Variants in EBF2 observed in about 807,000 individuals in gnomAD.
EBF2 encodes the protein transcription factor COE2.
A neutral mutation model predicts 72.8 loss-of-function variants in EBF2; 21 were observed. The observed-to-expected ratio is 0.29, with a 90% CI of 0.20 to 0.42. The LOEUF (loss-of-function observed/expected upper bound fraction) is 0.42. Ranked by LOEUF, EBF2 falls within the 10% of genes least tolerant of loss-of-function variation. EBF2 has a pLI of 1.00. For synonymous variants in EBF2, 299 were observed against 274.2 expected (o/e 1.09, Z -0.89); for missense variants, 637 against 731.2 (o/e 0.87, Z 1.49).
At chr8:25,890,746 G>T (rs1163289960) in intron 7 of EBF2, among the ~76,000 whole-genome samples, 6 of 152,174 alleles carry the variant, frequency 3.9e-5, no homozygotes, top group Non-Finnish European at 1.5e-5. Context: ...TAAAGGAAAT[G>T]TTCATTGGAT....
At chr8:25,937,007 G>T (rs1050750612) in intron 6 of EBF2, among the ~76,000 whole-genome samples, 7 of 152,148 alleles carry the variant, frequency 4.6e-5, no homozygotes, top group African/African-American at 1.7e-4. Context: ...GAGGAAACGG[G>T]ATTACAATTG....
chr8:25,847,251 C>A (rs555768556), intron 15 of EBF2, among the ~76,000 whole-genome samples: 5 of 152,190 alleles, frequency 3.3e-5, no homozygotes, highest in African/African-American at 1.2e-4. Flanking sequence ...TAGAGAAGGG[C>A]CCCTCCCCAG....
intron 9 of EBF2, among the ~76,000 whole-genome samples, chr8:25,887,124 TC>T (rs1802703810): frequency 6.6e-6 from 1 of 151,932 alleles, no homozygotes; most frequent in Non-Finnish European, 1.5e-5. Flanking sequence ...TCTGTCTCTC[TC>T]TCTCTCTCTC....
rs990518791 is a variant in EBF2, at chr8:25,865,391, C to G, written c.1010-2594G>C. Among the ~76,000 whole-genome samples the G allele has an allele frequency of 2.6e-5, 4 of 152,156 alleles. No individual in the cohort carries two copies. In the East Asian group the frequency reaches 7.8e-4, roughly 30 times the overall value. ...GTTTTATTAGAGTCTAGAAACACTT[C>G]TGTGTTTTACACATCTGTGCAGGAA... On this transcript the variant is annotated intron_variant, in intron 10 of 15. Transcript: ENST00000520164.
chr8:25,938,392 G>GT (rs377084156), intron 6 of EBF2, among the ~76,000 whole-genome samples: 2,106 of 142,988 alleles, frequency 0.015, 42 homozygotes, highest in African/African-American at 0.048. Context: ...AAAAAGCCTA[G>GT]TTTTTTTTTT....
At chr8:25,899,320 T>C (rs769731328) in intron 7 of EBF2, among the ~76,000 whole-genome samples, 14 of 151,766 alleles carry the variant, frequency 9.2e-5, no homozygotes, top group South Asian at 2.1e-4. Flanking sequence ...CATCAGATAA[T>C]GGACTCACCT....
In EBF2 at chr8:26,010,988, T is replaced by TACAC. The variant is rs36211488; in HGVS notation, c.551+22093_551+22096dup. The stretch of plus-strand genomic sequence containing the variant: ...TTTTATATGCTTGCATATGTGTGCA[T>TACAC]ACACACACACACACACACACACACA... On this transcript the variant is annotated intron_variant, in intron 6 of 15. Transcript: ENST00000520164. Among the ~76,000 whole-genome samples the TACAC allele has an allele frequency of 1.5e-3, 224 of 150,866 alleles. 1 individual carries two copies. Among genetic ancestry groups the TACAC allele is most frequent in the Middle Eastern group, 3.4e-3 (1 of 292 alleles).
chr8:25,924,116 T>A (rs901009187), intron 6 of EBF2, among the ~76,000 whole-genome samples: 6 of 152,182 alleles, frequency 3.9e-5, no homozygotes, highest in Non-Finnish European at 8.8e-5. Context: ...TTACTGACAA[T>A]ATTTTCATCT....
rs59820523 is a variant in EBF2, at chr8:25,986,001, C to CAA, written c.551+47082_551+47083dup. On this transcript the variant is annotated intron_variant, in intron 6 of 15. Transcript: ENST00000520164. ...CGGGTGACAGAGTGAAACTCTGTCT[C>CAA]AAAAAAAAAAAAAAAAAAAAAAAAG... 1.8e-4 allele frequency among the ~76,000 whole-genome samples: 5 copies of CAA among 28,560 alleles called. 1 individual carries two copies. Among genetic ancestry groups the CAA allele is most frequent in the East Asian group, 2.9e-3 (2 of 694 alleles). The allele number at this position is 28,560 out of a possible 152,430, so 18.7% of individuals were successfully genotyped here. A position where few individuals can be genotyped will look rare whatever the true frequency, so the allele number is the denominator to read the frequency against.
intron 10 of EBF2, among the ~76,000 whole-genome samples, chr8:25,863,390 G>A (rs757240926): frequency 3.6e-4 from 54 of 151,746 alleles, no homozygotes; most frequent in Non-Finnish European, 6.8e-4. Flanking sequence ...CTATGTTCCC[G>A]TTAAGACAGG....
chr8:26,015,867 G>A (rs1015551796), intron 6 of EBF2, among the ~76,000 whole-genome samples: 2 of 152,176 alleles, frequency 1.3e-5, no homozygotes, highest in Non-Finnish European at 2.9e-5. Flanking sequence ...GCAGATAGCA[G>A]CTCCTTAGCC....
chr8:26,020,720 G>A (rs1362150416), intron 6 of EBF2, among the ~76,000 whole-genome samples: 1 of 151,430 alleles, frequency 6.6e-6, no homozygotes, highest in African/African-American at 2.4e-5. Flanking sequence ...TTGCTATGTA[G>A]GTTGAATCTA....
At chr8:25,993,839 C>T (rs776750823) in intron 6 of EBF2, among the ~76,000 whole-genome samples, 12 of 152,160 alleles carry the variant, frequency 7.9e-5, no homozygotes, top group Non-Finnish European at 1.5e-4. Context: ...CAGGAATAAT[C>T]GATGAAAATC....
chr8:26,035,938 C>T (rs574673095), intron 5 of EBF2, among the ~76,000 whole-genome samples: 14 of 151,198 alleles, frequency 9.3e-5, no homozygotes, highest in African/African-American at 2.9e-4. Context: ...CTTATGTCAA[C>T]GTAATACCTT....
At chr8:25,847,692 CG>C (rs1563372165) in intron 15 of EBF2, among the ~76,000 whole-genome samples, 4 of 151,924 alleles carry the variant, frequency 2.6e-5, no homozygotes, top group African/African-American at 7.3e-5. Context: ...TGACAAGGCC[CG>C]GAAAGAGCTG....
At position 26,040,494 on chromosome 8, in the gene EBF2, G is replaced by A. The variant is rs1434574906; in HGVS notation, c.408+122C>T. The A allele has an allele frequency of 8.0e-6, 7 of 877,480 alleles. No individual in the cohort carries two copies. The African/African-American group carries it at 1.2e-4, about 15-fold the overall frequency. The allele number at this position is 877,480 out of a possible 1,614,324, so 54.4% of individuals were successfully genotyped here. A position where few individuals can be genotyped will look rare whatever the true frequency, so the allele number is the denominator to read the frequency against. ...AGACAAGGTGCTGGGAGGGGGACGT[G>A]GAGGGGGCTGTGGAGTCTGACCCAG... On this transcript the variant is annotated intron_variant, in intron 4 of 15. Coordinates refer to ENST00000520164, the MANE Select transcript of EBF2 (RefSeq NM_022659.4).
chr8:25,951,444 G>C (rs142880909), intron 6 of EBF2, among the ~76,000 whole-genome samples: 286 of 152,212 alleles, frequency 1.9e-3, no homozygotes, highest in African/African-American at 6.7e-3. Flanking sequence ...CATGATAAAT[G>C]GTGGCACCAC....
At chr8:25,982,481 C>A (rs557973267) in intron 6 of EBF2, among the ~76,000 whole-genome samples, 3 of 152,204 alleles carry the variant, frequency 2.0e-5, no homozygotes, top group Non-Finnish European at 1.5e-5. Context: ...AGTAAGTGGT[C>A]ATGGGGAGTG....
intron 6 of EBF2, among the ~76,000 whole-genome samples, chr8:26,026,862 G>A (rs113290484): frequency 9.2e-5 from 14 of 152,210 alleles, no homozygotes; most frequent in Admixed American, 2.6e-4. Context: ...TGTGACCTTG[G>A]CTGAGTTACA....
Sources: allele counts gnomAD v4.1 joint callset (sites outside exome capture counted in the v4.1 genomes callset), GRCh38; gene constraint gnomAD v4.1.1; transcripts MANE v1.5; gene names NCBI Gene and HGNC (gene_info 2026-07-23, HGNC 2026-07-21).